The following RBFOX1 variants were observed in gnomAD, a reference collection of about 807,000 sequenced individuals.
RBFOX1 encodes RNA binding fox-1 homolog 1.
A neutral mutation model predicts 57.7 loss-of-function variants in RBFOX1; 8 were observed. That is an observed-to-expected ratio of 0.14 (90% CI 0.08 to 0.25). The LOEUF (loss-of-function observed/expected upper bound fraction) is 0.25. Ranked by LOEUF, RBFOX1 falls within the 10% of genes least tolerant of loss-of-function variation. RBFOX1 has a pLI of 1.00. For missense variants in RBFOX1, 611 were observed against 548.5 expected (o/e 1.11, Z -1.14); for synonymous variants, 326 against 222.4 (o/e 1.47, Z -4.15).
At chr16:7,083,060 G>C (rs2059439122) in intron 4 of RBFOX1, among the ~76,000 whole-genome samples, 1 of 152,072 alleles carries the variant, frequency 6.6e-6, no homozygotes, top group Admixed American at 6.5e-5. Flanking sequence ...TTTTGGGAGT[G>C]ACAATAAATA....
intron 1 of RBFOX1, among the ~76,000 whole-genome samples, chr16:5,287,343 A>T (rs879607530): frequency 2.0e-5 from 3 of 152,140 alleles, no homozygotes; most frequent in African/African-American, 4.8e-5. Context: ...TGGAGAAGAA[A>T]GTATTTCTGA....
intron 4 of RBFOX1, among the ~76,000 whole-genome samples, chr16:7,478,407 T>C (rs905421435): frequency 6.6e-6 from 1 of 150,990 alleles, no homozygotes; most frequent in African/African-American, 2.4e-5. Context: ...GAGTGAGGAG[T>C]GGGAGGAGAG....
At chr16:6,557,122 C>T (rs2097114220) in intron 2 of RBFOX1, among the ~76,000 whole-genome samples, 1 of 139,392 alleles carries the variant, frequency 7.2e-6, no homozygotes, top group South Asian at 2.2e-4. Context: ...TACATATATA[C>T]ATACATATAC....
At chr16:6,073,568 T>G (rs1466627089) in intron 1 of RBFOX1, among the ~76,000 whole-genome samples, 2 of 152,206 alleles carry the variant, frequency 1.3e-5, no homozygotes, top group Non-Finnish European at 2.9e-5. Context: ...CGTGTTTGCT[T>G]TAGAACGTAA....
At chr16:5,998,015 T>C (rs1567236475) in intron 4 of RBFOX1, among the ~76,000 whole-genome samples, 2 of 152,198 alleles carry the variant, frequency 1.3e-5, no homozygotes, top group Admixed American at 6.5e-5. Flanking sequence ...ACCACTTCAG[T>C]TGGTGCCTCA....
At chr16:6,510,441 C>A (rs986315791) in intron 2 of RBFOX1, among the ~76,000 whole-genome samples, 1 of 152,110 alleles carries the variant, frequency 6.6e-6, no homozygotes, top group Non-Finnish European at 1.5e-5. Flanking sequence ...TGGCTAAGCT[C>A]CCTCACTAAG....
At chr16:6,190,558 G>T (rs538317491) in intron 1 of RBFOX1, among the ~76,000 whole-genome samples, 1 of 152,224 alleles carries the variant, frequency 6.6e-6, no homozygotes, top group South Asian at 2.1e-4. Flanking sequence ...GAGAAAAATC[G>T]ACTTAAATCT....
At chr16:6,849,598 G>C (rs1320630197) in intron 3 of RBFOX1, among the ~76,000 whole-genome samples, 1 of 152,176 alleles carries the variant, frequency 6.6e-6, no homozygotes, top group Admixed American at 6.5e-5. Context: ...GAATGCAGGA[G>C]GCGGAGGTTT....
At chr16:7,142,622 A>G (rs2074068654) in intron 4 of RBFOX1, among the ~76,000 whole-genome samples, 1 of 152,106 alleles carries the variant, frequency 6.6e-6, no homozygotes, top group Admixed American at 6.6e-5. Flanking sequence ...CATCTTCTGG[A>G]CTGTCAATCA....
chr16:6,587,010 TTGTGTGTG>T, intron 2 of RBFOX1, among the ~76,000 whole-genome samples: 1 of 150,682 alleles, frequency 6.6e-6, no homozygotes, highest in East Asian at 1.9e-4. Context: ...CCCCTGTTTA[TTGTGTGTG>T]TGTGTGTGTG....
At chr16:5,867,206 A>G (rs1485317328) in intron 3 of RBFOX1, 2 of 802,940 alleles carry the variant, frequency 2.5e-6, no homozygotes, top group Non-Finnish European at 3.3e-6. Context: ...CCCTCGGGTC[A>G]TAACAAATTA....
In RBFOX1 at chr16:6,830,412, G is replaced by C. The variant is rs528885062; in HGVS notation, c.-16+175762G>C. The stretch of plus-strand genomic sequence containing the variant: ...ATTTTACTAACGGGAAGTAATAATA[G>C]ATCAATGAAGAAAAATGTCACAGGG... On this transcript the variant is annotated intron_variant, in intron 3 of 15. Transcript: ENST00000550418. Among the ~76,000 whole-genome samples, 4 of 152,098 alleles carry C rather than the reference G, an allele frequency of 2.6e-5. No homozygotes were observed. The South Asian group carries it at 8.3e-4, about 32-fold the overall frequency.
intron 3 of RBFOX1, among the ~76,000 whole-genome samples, chr16:7,024,752 G>C (rs1238634629): frequency 6.6e-6 from 1 of 152,174 alleles, no homozygotes; most frequent in Non-Finnish European, 1.5e-5. Flanking sequence ...TTGTCTTTCA[G>C]ACAGTGCATT....
intron 1 of RBFOX1, among the ~76,000 whole-genome samples, chr16:6,277,552 G>A (rs2152690237): frequency 6.7e-6 from 1 of 149,814 alleles, no homozygotes; most frequent in Middle Eastern, 3.4e-3. Flanking sequence ...CAGAAGGATC[G>A]CTTGAGCCCA....
intron 4 of RBFOX1, among the ~76,000 whole-genome samples, chr16:7,201,755 G>T (rs2346605): frequency 6.6e-6 from 1 of 151,976 alleles, no homozygotes; most frequent in Non-Finnish European, 1.5e-5. Context: ...GAGCCACCAT[G>T]CCCGGCCGAT....
At chr16:7,194,590 T>C (rs925670449) in intron 4 of RBFOX1, among the ~76,000 whole-genome samples, 5 of 152,176 alleles carry the variant, frequency 3.3e-5, no homozygotes, top group African/African-American at 1.2e-4. Flanking sequence ...CATTCTGTTT[T>C]CTACCCCTTT....
Position 6,773,952 on chromosome 16 carries a change from C to T in RBFOX1, c.-16+119302C>T, listed in dbSNP as rs959572655. The T allele has an allele frequency of 1.0e-5, 10 of 985,168 alleles. No homozygotes were observed. The African/African-American group carries it at 1.8e-4, about 17-fold the overall frequency. 61.0% of individuals were successfully genotyped at this position (985,168 alleles called of 1,614,324 possible). A position where few individuals can be genotyped will look rare whatever the true frequency, so the allele number is the denominator to read the frequency against. ...GAGTGTGTTTGTGTGTGTGCACACG[C>T]ACATGGTTCTCATGGTCCTCCCGTT... On this transcript the variant is annotated intron_variant, in intron 3 of 15. Transcript: ENST00000550418.
At chr16:6,732,218 G>C (rs1457142383) in intron 3 of RBFOX1, among the ~76,000 whole-genome samples, 1 of 152,158 alleles carries the variant, frequency 6.6e-6, no homozygotes, top group African/African-American at 2.4e-5. Context: ...CTGCTTCTCT[G>C]CAGCCTCAGC....
At chr16:5,344,951 A>G (rs909447535) in intron 1 of RBFOX1, among the ~76,000 whole-genome samples, 3 of 152,122 alleles carry the variant, frequency 2.0e-5, no homozygotes, top group African/African-American at 7.2e-5. Context: ...ACCTTGTAAA[A>G]TTCTTCTTTC....
Sources: gnomAD v4.1 joint callset for allele counts (sites outside exome capture counted in the v4.1 genomes callset) on GRCh38, gnomAD v4.1.1 for gene constraint, MANE v1.5 for transcripts, NCBI Gene and HGNC (gene_info 2026-07-23, HGNC 2026-07-21) for gene names.